Variants in OTOG observed in about 807,000 individuals in gnomAD.
The protein encoded by OTOG is otogelin.
A neutral mutation model predicts 313.8 loss-of-function variants in OTOG; 296 were observed. That is an observed-to-expected ratio of 0.94 (90% CI 0.86 to 1.04). The LOEUF is 1.04. Ranked by LOEUF, OTOG falls within the 50% of genes least tolerant of loss-of-function variation. The pLI is 0.00. For missense variants in OTOG, 3,948 were observed against 3,840.1 expected (o/e 1.03, Z -0.74); for synonymous variants, 1,533 against 1,554.9 (o/e 0.99, Z 0.33).
At chr11:17,642,486 T>A (rs376558995) in intron 53 of OTOG, among the ~76,000 whole-genome samples, 4 of 152,338 alleles carry the variant, frequency 2.6e-5, no homozygotes, top group South Asian at 4.1e-4. Flanking sequence ...CACTGTTACA[T>A]GTTCTAGGCA....
chr11:17,587,128 G>A (rs7106021), intron 24 of OTOG, among the ~76,000 whole-genome samples: 45,563 of 152,188 alleles, frequency 0.3, 8,347 homozygotes, highest in African/African-American at 0.53. Context: ...GAGTGTAAAT[G>A]TCTGTGTAAA....
chr11:17,602,152 G>A (rs2134074906), intron 31 of OTOG, 58 bp from the exon 32 acceptor site: 1 of 1,535,972 alleles, frequency 6.5e-7, no homozygotes. Flanking sequence ...TGGGGCAGGA[G>A]GTATGGGAGG....
intron 24 of OTOG, among the ~76,000 whole-genome samples, chr11:17,590,207 C>G (rs1489673875): frequency 6.6e-6 from 1 of 152,200 alleles, no homozygotes; most frequent in Non-Finnish European, 1.5e-5. Context: ...CTTGACATCA[C>G]CATACGTATG....
chr11:17,641,039 A>G lies in OTOG; in HGVS notation c.8138A>G (p.Asn2713Ser), dbSNP rs1165824889. 6.5e-7 allele frequency: 1 copy of G among 1,530,224 alleles called. No individual in the cohort carries two copies. Among genetic ancestry groups the G allele is most frequent in the Non-Finnish European group, 8.8e-7 (1 of 1,141,412 alleles). 94.8% of individuals were successfully genotyped at this position (1,530,224 alleles called of 1,614,324 possible). A position where few individuals can be genotyped will look rare whatever the true frequency, so the allele number is the denominator to read the frequency against. ...ACCACCGTGCTCGACCCTCTCACCA[A>G]CTTCTACCAGATCAACACCACCTCC... Reference protein sequence around the residue: ...RCTTVLDPLTNFYQINTTSVL... With the variant: ...RCTTVLDPLTSFYQINTTSVL... Residue 2713 changes from asparagine to serine, a missense_variant, in exon 51 of 56, where the codon AAC becomes AGC. Transcript: ENST00000399397.
At chr11:17,576,075 G>A (rs1405316669) in intron 20 of OTOG, among the ~76,000 whole-genome samples, 1 of 152,208 alleles carries the variant, frequency 6.6e-6, no homozygotes. Flanking sequence ...GTATGCAGAG[G>A]GCCTGGCTGG....
At chr11:17,558,793 G>A in intron 10 of OTOG, 149 bp downstream of exon 10, 4 of 929,054 alleles carry the variant, frequency 4.3e-6, no homozygotes, top group Non-Finnish European at 6.5e-6. Flanking sequence ...GGACAGAGCT[G>A]CCCCATTCAA....
Position 17,605,879 on chromosome 11 carries a change from G to A in OTOG, c.3900G>A (p.Glu1300=). ...CAGACCCAGATGTGGTGTCCCTGGA[G>A]GCAGCAGACAGACCCAACTTCTTCC... The part of the protein sequence containing the change: ...KAHDPDVVSL[E]AADRPNFFLH... The change falls in exon 33 of 56, where the codon GAG becomes GAA. Residue 1300 remains glutamate (E), a synonymous_variant. Coordinates refer to ENST00000399397, the MANE Select transcript of OTOG (RefSeq NM_001292063.2). 6.5e-7 allele frequency: 1 copy of A among 1,548,060 alleles called. No homozygotes were observed.
Position 17,610,037 on chromosome 11 carries a change from T to A in OTOG, c.4737T>A (p.Pro1579=). Residue 1579 remains proline (P), a synonymous_variant, in exon 36 of 56, where the codon CCT becomes CCA. Transcript: ENST00000399397. ...SLPVALQTPT[P]GMVSGAMETT... ...CTGTTGCACTGCAGACACCCACACC[T>A]GGCATGGTGTCAGGTGCCATGGAGA... The A allele has an allele frequency of 8.4e-6, 13 of 1,549,488 alleles. No homozygotes were observed. Among genetic ancestry groups the A allele is most frequent in the Non-Finnish European group, 1.0e-5 (12 of 1,146,182 alleles).
rs772570995 is a variant in OTOG at position 17,635,067 on chromosome 11, G to A, written c.7586-13G>A. ...GTTCCTCTCCCAGCACCTAAATTCA[G>A]CCTTTTCCCCAGAGTGTGACCCAGA... On this transcript the variant is annotated splice_polypyrimidine_tract_variant and intron_variant, in intron 45 of 55. Coordinates refer to ENST00000399397, the MANE Select transcript of OTOG (RefSeq NM_001292063.2). 2.3e-5 allele frequency: 35 copies of A among 1,544,646 alleles called. No homozygotes were observed. The African/African-American group carries it at 4.5e-4, about 20-fold the overall frequency.
chr11:17,573,011 G>C, intron 18 of OTOG, 67 bp from the exon 19 acceptor site: 1 of 1,395,952 alleles, frequency 7.2e-7, no homozygotes, highest in Admixed American at 2.1e-5. Context: ...GAGGGAGAGA[G>C]GCTGATCCTG....
intron 6 of OTOG, 39 bp from the exon 7 acceptor site, chr11:17,555,740 G>A (rs2134002252): frequency 1.3e-6 from 2 of 1,505,098 alleles, no homozygotes; most frequent in Non-Finnish European, 1.8e-6. Context: ...CAGGCCTGTG[G>A]CAGGAGCCTG....
chr11:17,559,808 AAAGAAGGAAGGG>A (rs1481694092), intron 12 of OTOG, 146 bp downstream of exon 12: 13 of 868,222 alleles, frequency 1.5e-5, no homozygotes, highest in South Asian at 7.5e-5. Context: ...AAAAAGAAGG[AAAGAAGGAAGGG>A]AAGAAGGAAG....
chr11:17,585,759 C>A (rs142138053), intron 23 of OTOG, among the ~76,000 whole-genome samples: 1 of 152,174 alleles, frequency 6.6e-6, no homozygotes, highest in African/African-American at 2.4e-5. Flanking sequence ...GATACAGGAG[C>A]AACTAACAAG....
intron 19 of OTOG, 50 bp from the exon 20 acceptor site, chr11:17,574,670 A>G (rs1261414261): frequency 4.0e-6 from 6 of 1,487,448 alleles, no homozygotes; most frequent in Non-Finnish European, 5.5e-6. Flanking sequence ...ACTCCACATA[A>G]CTGTGGGGAT....
At chr11:17,574,576 C>T (rs767593912) in intron 19 of OTOG, 144 bp from the exon 20 acceptor site, 197 of 808,904 alleles carry the variant, frequency 2.4e-4, no homozygotes, top group Admixed American at 5.2e-4. Context: ...CAAATCCTGC[C>T]TCTGACCTTG....
chr11:17,620,869 T>G (rs994570521), intron 39 of OTOG, among the ~76,000 whole-genome samples: 1 of 152,222 alleles, frequency 6.6e-6, no homozygotes, highest in Non-Finnish European at 1.5e-5. Context: ...AATCTTTTCA[T>G]TTATAGTGTC....
intron 33 of OTOG, 146 bp downstream of exon 33, chr11:17,606,281 TGA>T: frequency 8.9e-7 from 1 of 1,118,972 alleles, no homozygotes; most frequent in Non-Finnish European, 1.2e-6. Context: ...GGTGCCACCC[TGA>T]GATGAGAGGT....
chr11:17,631,636 T>C, intron 40 of OTOG, 66 bp from the exon 41 acceptor site: 6 of 1,311,174 alleles, frequency 4.6e-6, no homozygotes, highest in Non-Finnish European at 6.4e-6. Flanking sequence ...ATACAAAAAG[T>C]GAGAGCTGAC....
chr11:17,619,324 A>C (rs555157670), intron 39 of OTOG, among the ~76,000 whole-genome samples: 1 of 152,240 alleles, frequency 6.6e-6, no homozygotes, highest in South Asian at 2.1e-4. Context: ...TAAATAGTTG[A>C]GCCTTCAGTT....
Sources: allele counts gnomAD v4.1 joint callset (sites outside exome capture counted in the v4.1 genomes callset), GRCh38; gene constraint gnomAD v4.1.1; transcripts MANE v1.5; gene names NCBI Gene and HGNC (gene_info 2026-07-23, HGNC 2026-07-21).